Variants in BTBD9 observed in about 807,000 individuals in gnomAD.
The protein encoded by BTBD9 is BTB domain containing 9.
Under a neutral mutation model 64.3 loss-of-function variants are expected in BTBD9, and 49 were observed. The observed-to-expected ratio is 0.76, with a 90% confidence interval of 0.61 to 0.97. The LOEUF (loss-of-function observed/expected upper bound fraction) is 0.97, where lower values mean the gene tolerates loss of function less well. Ranked by LOEUF, BTBD9 falls within the 50% of genes least tolerant of loss-of-function variation. The probability of loss-of-function intolerance (pLI) is 0.00; values close to 1 mark genes in which losing one functional copy is unlikely to be tolerated. For synonymous variants in BTBD9, 260 were observed against 274.7 expected (o/e 0.95, Z 0.53); for missense variants, 598 against 762.1 (o/e 0.78, Z 2.53).
In BTBD9 at chr6:38,592,763, C is replaced by A; in HGVS notation, c.627G>T (p.Trp209Cys). The A allele has an allele frequency of 6.2e-7, 1 of 1,614,160 alleles. No homozygotes were observed. Among genetic ancestry groups the A allele is most frequent in the Non-Finnish European group, 8.5e-7 (1 of 1,180,012 alleles). The change falls in exon 4 of 11, where the codon TGG becomes TGT. Residue 209 changes from tryptophan to cysteine, a missense_variant. Physicochemically the swap from Trp to Cys is radical, Grantham distance 215. Coordinates refer to ENST00000481247, the MANE Select transcript of BTBD9 (RefSeq NM_001099272.2). ...EKDIFLALLN[W>C]CKHNSKENHA... ...GATTCTCCTTTGAATTGTGCTTACA[C>A]CAGTTTAATAAGGCTAGGAAAATAT...
intron 1 of BTBD9, among the ~76,000 whole-genome samples, chr6:38,632,833 G>T (rs115902906): frequency 2.0e-5 from 3 of 152,090 alleles, no homozygotes; most frequent in Non-Finnish European, 4.4e-5. Flanking sequence ...TCAGAAGCCT[G>T]AGAAGGGAGA....
chr6:38,587,586 G>T, intron 4 of BTBD9: 1 of 572,464 alleles, frequency 1.7e-6, no homozygotes, highest in Non-Finnish European at 3.3e-6. Flanking sequence ...CACTGAAATT[G>T]ACATTATTTG....
intron 1 of BTBD9, among the ~76,000 whole-genome samples, chr6:38,599,234 G>T (rs1474562862): frequency 2.0e-5 from 3 of 152,118 alleles, no homozygotes; most frequent in African/African-American, 7.2e-5. Flanking sequence ...AAAGTGGGGG[G>T]TTATAGTCTT....
intron 6 of BTBD9, among the ~76,000 whole-genome samples, chr6:38,436,533 G>A (rs555398361): frequency 5.3e-5 from 8 of 151,588 alleles, no homozygotes; most frequent in Admixed American, 3.3e-4. Context: ...GCGAAACCAC[G>A]CCCAGCTAAT....
chr6:38,402,852 G>A (rs1766995680), intron 6 of BTBD9: 1 of 701,078 alleles, frequency 1.4e-6, no homozygotes, highest in Non-Finnish European at 2.6e-6. Context: ...AGGATTGCTT[G>A]AGCTCAGGAG....
At chr6:38,448,338 T>C (rs975413723) in intron 6 of BTBD9, among the ~76,000 whole-genome samples, 6 of 152,146 alleles carry the variant, frequency 3.9e-5, no homozygotes, top group African/African-American at 1.4e-4. Context: ...AGAGGGAAGG[T>C]GACGGTGGGA....
intron 7 of BTBD9, among the ~76,000 whole-genome samples, chr6:38,310,458 A>C (rs1356211741): frequency 6.6e-6 from 1 of 152,122 alleles, no homozygotes; most frequent in Non-Finnish European, 1.5e-5. Context: ...TATAATTTAT[A>C]CTATGTTCTG....
intron 6 of BTBD9, among the ~76,000 whole-genome samples, chr6:38,503,859 A>G (rs1772326810): frequency 6.6e-6 from 1 of 152,198 alleles, no homozygotes; most frequent in Non-Finnish European, 1.5e-5. Context: ...CAACTCCTTC[A>G]GTTGGTCAAG....
chr6:38,613,551 G>A (rs1422518227), intron 1 of BTBD9, among the ~76,000 whole-genome samples: 1 of 151,996 alleles, frequency 6.6e-6, no homozygotes, highest in African/African-American at 2.4e-5. Context: ...AGGCCGCAGT[G>A]AGCCAAGATC....
chr6:38,457,814 G>A (rs1769887626), intron 6 of BTBD9, among the ~76,000 whole-genome samples: 1 of 152,162 alleles, frequency 6.6e-6, no homozygotes, highest in Non-Finnish European at 1.5e-5. Context: ...GAAATTATCA[G>A]TTTACATGTC....
chr6:38,461,790 C>A (rs1345577416), intron 6 of BTBD9, among the ~76,000 whole-genome samples: 1 of 152,190 alleles, frequency 6.6e-6, no homozygotes, highest in African/African-American at 2.4e-5. Flanking sequence ...AACAGAGCAG[C>A]AGAGTGTTAG....
chr6:38,597,881 A>C (rs553597537), intron 2 of BTBD9, 29 bp downstream of exon 2: 2 of 1,599,774 alleles, frequency 1.3e-6, no homozygotes, highest in Admixed American at 3.4e-5. Context: ...AAGTGAACTA[A>C]ATTTTCAAAA....
At chr6:38,299,969 T>C (rs1236630791) in intron 7 of BTBD9, among the ~76,000 whole-genome samples, 3 of 152,244 alleles carry the variant, frequency 2.0e-5, no homozygotes, top group African/African-American at 4.8e-5. Flanking sequence ...TAGGTTTTCT[T>C]CTAGGGTTTT....
chr6:38,335,387 G>C (rs931117640), intron 7 of BTBD9, among the ~76,000 whole-genome samples: 1 of 151,102 alleles, frequency 6.6e-6, no homozygotes, highest in Non-Finnish European at 1.5e-5. Context: ...TGAGTAGCTG[G>C]AGCTACAGGC....
Position 38,356,181 on chromosome 6 carries a change from C to T in BTBD9, c.1155-11088G>A, listed in dbSNP as rs146437443. Among the ~76,000 whole-genome samples the T allele has an allele frequency of 1.9e-3, 296 of 152,156 alleles. 1 individual carries two copies. The highest frequency in any genetic ancestry group is 6.5e-3 in the African/African-American group (271 of 41,512). ...TTCTGAAATTTCATGACAATGATGACGTGACTTGCTGTGGGTCTATTTTCT... is the reference window on the plus strand; with the variant it reads ...TTCTGAAATTTCATGACAATGATGATGTGACTTGCTGTGGGTCTATTTTCT... On this transcript the variant is annotated intron_variant, in intron 6 of 10. Transcript: ENST00000481247.
intron 8 of BTBD9, among the ~76,000 whole-genome samples, chr6:38,257,129 C>G (rs1764617767): frequency 6.8e-6 from 1 of 147,352 alleles, no homozygotes; most frequent in Admixed American, 6.8e-5. Context: ...GTCCTGAACT[C>G]CTGGCTTCAA....
intron 6 of BTBD9, among the ~76,000 whole-genome samples, chr6:38,576,010 G>A (rs1776010517): frequency 6.6e-6 from 1 of 152,074 alleles, no homozygotes; most frequent in Non-Finnish European, 1.5e-5. Flanking sequence ...CATACAACAG[G>A]AGCTTTCAGG....
chr6:38,319,199 C>T (rs111640138), intron 7 of BTBD9, among the ~76,000 whole-genome samples: 11 of 152,134 alleles, frequency 7.2e-5, no homozygotes, highest in African/African-American at 2.7e-4. Flanking sequence ...AAATGTTGTC[C>T]GAGAGCCAAG....
chr6:38,383,363 T>C (rs1463523510), intron 6 of BTBD9, among the ~76,000 whole-genome samples: 3 of 152,182 alleles, frequency 2.0e-5, no homozygotes, highest in African/African-American at 7.2e-5. Context: ...GGCAATTTTC[T>C]TAACTTGTTA....
Sources: allele counts gnomAD v4.1 joint callset (sites outside exome capture counted in the v4.1 genomes callset), GRCh38; gene constraint gnomAD v4.1.1; transcripts MANE v1.5; gene names NCBI Gene and HGNC (gene_info 2026-07-23, HGNC 2026-07-21).